Variants in CPA6 observed in about 807,000 individuals in gnomAD.
CPA6 encodes the protein carboxypeptidase A6.
A neutral mutation model predicts 63.3 loss-of-function variants in CPA6; 58 were observed. That is an observed-to-expected ratio of 0.92 (90% CI 0.74 to 1.14). CPA6 has a LOEUF of 1.14. Among genes scored for constraint, CPA6 ranks in the 50% most tolerant of loss-of-function variants. The pLI is 0.00. For missense variants in CPA6, 565 were observed against 526.6 expected (o/e 1.07, Z -0.71); for synonymous variants, 185 against 179.0 (o/e 1.03, Z -0.27).
At chr8:67,536,155 C>T (rs1463429979) in intron 2 of CPA6, among the ~76,000 whole-genome samples, 1 of 152,092 alleles carries the variant, frequency 6.6e-6, no homozygotes, top group African/African-American at 2.4e-5. Flanking sequence ...GTTGTTTTTG[C>T]TTAGGATTGT....
chr8:67,507,029 C>G, intron 5 of CPA6, 141 bp from the exon 6 acceptor site: 1 of 570,698 alleles, frequency 1.8e-6, no homozygotes, highest in Non-Finnish European at 3.2e-6. Context: ...GAGTTCCTAT[C>G]TATCTCGAAA....
chr8:67,619,577 C>T (rs892556141), intron 2 of CPA6, among the ~76,000 whole-genome samples: 4 of 152,104 alleles, frequency 2.6e-5, no homozygotes, highest in African/African-American at 7.2e-5. Context: ...GTGGGGAGCA[C>T]GGACCACCTG....
intron 1 of CPA6, among the ~76,000 whole-genome samples, chr8:67,684,565 C>T (rs1047610467): frequency 5.9e-5 from 9 of 152,206 alleles, no homozygotes; most frequent in Admixed American, 2.0e-4. Context: ...ACAGAGCATG[C>T]GTACCCGGCC....
chr8:67,459,261 C>T (rs1248780572), intron 8 of CPA6, among the ~76,000 whole-genome samples: 1 of 152,110 alleles, frequency 6.6e-6, no homozygotes, highest in Non-Finnish European at 1.5e-5. Flanking sequence ...CTGGCTCCAG[C>T]TATTTGCCTG....
At chr8:67,533,800 C>A (rs1812526743) in intron 2 of CPA6, among the ~76,000 whole-genome samples, 1 of 152,180 alleles carries the variant, frequency 6.6e-6, no homozygotes. Context: ...CTCCTCACTC[C>A]CTTCCTAAGT....
rs1024639891 is a variant in CPA6 at position 67,439,110 on chromosome 8, C to G, written c.839-4870G>C. 5.9e-5 allele frequency among the ~76,000 whole-genome samples: 9 copies of G among 151,882 alleles called. No homozygotes were observed. The South Asian group carries it at 1.9e-3, about 32-fold the overall frequency. On this transcript the variant is annotated intron_variant, in intron 8 of 10. Coordinates refer to ENST00000297770, the MANE Select transcript of CPA6 (RefSeq NM_020361.5). ...AGGAGTTTGAGACCAGCCTGGCCAA[C>G]ATAGTGAGATCCCATCTCTACAAAA...
chr8:67,665,658 T>C (rs1190691107), intron 1 of CPA6, among the ~76,000 whole-genome samples: 1 of 152,232 alleles, frequency 6.6e-6, no homozygotes, highest in Non-Finnish European at 1.5e-5. Flanking sequence ...TTTGCTTTAA[T>C]TGTACCATTT....
Position 67,455,663 on chromosome 8 carries a change from C to CAAAAAAAAAAAAAAA in CPA6, c.839-21438_839-21424dup, listed in dbSNP as rs552041509. Among the ~76,000 whole-genome samples, 31 of 30,252 alleles carry CAAAAAAAAAAAAAAA rather than the reference C, an allele frequency of 1.0e-3. 2 individuals are homozygous for CAAAAAAAAAAAAAAA. Among genetic ancestry groups the CAAAAAAAAAAAAAAA allele is most frequent in the East Asian group, 2.6e-3 (2 of 772 alleles). The allele number at this position is 30,252 out of a possible 152,430, so 19.8% of individuals were successfully genotyped here. On this transcript the variant is annotated intron_variant, in intron 8 of 10. Transcript: ENST00000297770. ...TAGTGAAGCCCCTTCTCTACAAAAG[C>CAAAAAAAAAAAAAAA]AAAAAAAAAAAAAAAAAAAAAAAAA...
At chr8:67,560,178 T>TATATATATATATATATATA (rs1564000623) in intron 2 of CPA6, among the ~76,000 whole-genome samples, 22 of 150,346 alleles carry the variant, frequency 1.5e-4, no homozygotes, top group Admixed American at 2.0e-4. Context: ...TATATATATA[T>TATATATATATATATATATA]TCCAGATGTA....
chr8:67,648,358 A>G (rs1238617111), intron 1 of CPA6, among the ~76,000 whole-genome samples: 1 of 141,892 alleles, frequency 7.0e-6, no homozygotes, highest in Non-Finnish European at 1.5e-5. Context: ...AAATCCTTTG[A>G]GGAATGAGAG....
At chr8:67,679,347 T>TA (rs371021592) in intron 1 of CPA6, among the ~76,000 whole-genome samples, 402 of 152,336 alleles carry the variant, frequency 2.6e-3, no homozygotes, top group African/African-American at 9.3e-3. Flanking sequence ...TTTGCTCAGA[T>TA]AAAACATATG....
chr8:67,523,196 G>T (rs1812295532), intron 2 of CPA6, among the ~76,000 whole-genome samples: 1 of 152,104 alleles, frequency 6.6e-6, no homozygotes, highest in Non-Finnish European at 1.5e-5. Flanking sequence ...AAATATATTT[G>T]TTAGGCTTAA....
intron 2 of CPA6, among the ~76,000 whole-genome samples, chr8:67,551,463 C>T (rs960455711): frequency 2.6e-5 from 4 of 152,188 alleles, no homozygotes; most frequent in South Asian, 2.1e-4. Flanking sequence ...GTGAAGCTTC[C>T]GGCTTTGTTC....
intron 8 of CPA6, among the ~76,000 whole-genome samples, chr8:67,442,544 T>C (rs1020212699): frequency 6.6e-6 from 1 of 152,064 alleles, no homozygotes; most frequent in African/African-American, 2.4e-5. Context: ...AAGAACAATA[T>C]CAACAAAAGT....
At chr8:67,493,105 G>A (rs1042906938) in intron 6 of CPA6, among the ~76,000 whole-genome samples, 2 of 152,068 alleles carry the variant, frequency 1.3e-5, no homozygotes, top group African/African-American at 4.8e-5. Flanking sequence ...GAACAAAGAC[G>A]TGTTTGCTTA....
At chr8:67,577,481 A>G (rs969182804) in intron 2 of CPA6, among the ~76,000 whole-genome samples, 11 of 151,906 alleles carry the variant, frequency 7.2e-5, no homozygotes, top group African/African-American at 2.7e-4. Context: ...AAGATTCACT[A>G]CTCCCATATA....
intron 2 of CPA6, among the ~76,000 whole-genome samples, chr8:67,547,115 C>T (rs552026013): frequency 7.3e-5 from 11 of 150,688 alleles, no homozygotes; most frequent in South Asian, 2.1e-4. Context: ...GGCGCCATCA[C>T]GGCTCACTGC....
chr8:67,560,395 C>T (rs1336640616), intron 2 of CPA6, among the ~76,000 whole-genome samples: 3 of 152,070 alleles, frequency 2.0e-5, no homozygotes, highest in Non-Finnish European at 4.4e-5. Context: ...CACATAGGAG[C>T]AAGGAAGAAA....
chr8:67,667,479 C>T (rs1385065290), intron 1 of CPA6, among the ~76,000 whole-genome samples: 1 of 151,950 alleles, frequency 6.6e-6, no homozygotes, highest in Admixed American at 6.6e-5. Flanking sequence ...TCATCCAAAT[C>T]TTTTTTCAAC....
Sources: allele counts gnomAD v4.1 joint callset (sites outside exome capture counted in the v4.1 genomes callset), GRCh38; gene constraint gnomAD v4.1.1; transcripts MANE v1.5; gene names NCBI Gene and HGNC (gene_info 2026-07-23, HGNC 2026-07-21).